ZFP1: variants seen among roughly 807,000 people sequenced by gnomAD.
The protein encoded by ZFP1 is ZFP1 zinc finger protein, also known as zinc finger protein 1 homolog.
ZFP1 carries 32 observed loss-of-function variants against 38.5 expected under a neutral mutation model. The observed-to-expected ratio is 0.83, with a 90% CI of 0.63 to 1.12. ZFP1 has a LOEUF of 1.12. Among genes scored for constraint, ZFP1 ranks in the 50% most tolerant of loss-of-function variants. The pLI is 0.00. For missense variants in ZFP1, 616 were observed against 480.8 expected (o/e 1.28, Z -2.63); for synonymous variants, 245 against 168.8 (o/e 1.45, Z -3.50).
At chr16:75,128,890 A>C in the ZFP1 span, among the ~76,000 whole-genome samples, 1 of 152,202 alleles carries the variant, frequency 6.6e-6, no homozygotes. Flanking sequence ...TCCGGGGTTC[A>C]AGCTATTCTC....
the ZFP1 span, among the ~76,000 whole-genome samples, chr16:75,123,986 C>T: frequency 4.0e-5 from 6 of 151,394 alleles, no homozygotes; most frequent in Admixed American, 2.0e-4. Context: ...CCCAACTACT[C>T]GGGAGGCAGA....
chr16:75,146,094 C>T (rs1597022568), upstream of ZFP1, among the ~76,000 whole-genome samples: 1 of 152,048 alleles, frequency 6.6e-6, no homozygotes, highest in African/African-American at 2.4e-5. Context: ...ACAAGTCCCG[C>T]GAAGGGGTCC....
chr16:75,143,139 A>C, the ZFP1 span, among the ~76,000 whole-genome samples: 5 of 152,262 alleles, frequency 3.3e-5, no homozygotes, highest in Non-Finnish European at 5.9e-5. Context: ...CAGTGTTTTC[A>C]ACAACTAAAT....
chr16:75,150,340 C>G (rs1003637551), intron 1 of ZFP1, among the ~76,000 whole-genome samples: 1 of 149,968 alleles, frequency 6.7e-6, no homozygotes, highest in African/African-American at 2.5e-5. Context: ...TCCAGAGTAG[C>G]TGGGACTACA....
chr16:75,157,459 G>A (rs1490101709), intron 2 of ZFP1, among the ~76,000 whole-genome samples: 2 of 151,956 alleles, frequency 1.3e-5, no homozygotes, highest in Non-Finnish European at 2.9e-5. Context: ...GGCCAGGCTG[G>A]TCTTGAACTC....
chr16:75,126,584 A>G, the ZFP1 span, among the ~76,000 whole-genome samples: 1 of 150,982 alleles, frequency 6.6e-6, no homozygotes, highest in African/African-American at 2.4e-5. Context: ...TTGTATTTTT[A>G]GTAGAGATGG....
At chr16:75,120,754 T>G in the ZFP1 span, among the ~76,000 whole-genome samples, 1 of 147,034 alleles carries the variant, frequency 6.8e-6, no homozygotes, top group South Asian at 2.3e-4. Context: ...AGCGCCACCA[T>G]GCCCAGCTTG....
intron 2 of ZFP1, among the ~76,000 whole-genome samples, chr16:75,162,484 C>G (rs943144535): frequency 6.6e-6 from 1 of 152,066 alleles, no homozygotes; most frequent in Non-Finnish European, 1.5e-5. Flanking sequence ...AACATTTTGA[C>G]GTTTCCATGT....
the ZFP1 span, among the ~76,000 whole-genome samples, chr16:75,133,173 C>T: frequency 3.3e-4 from 50 of 152,034 alleles, no homozygotes; most frequent in Middle Eastern, 6.8e-3. Flanking sequence ...GACAGGGTTT[C>T]GCCATGTTGG....
the ZFP1 span, among the ~76,000 whole-genome samples, chr16:75,127,224 G>T: frequency 6.6e-6 from 1 of 152,122 alleles, no homozygotes; most frequent in Non-Finnish European, 1.5e-5. Context: ...TTTATAATCA[G>T]CTGTAAAACT....
rs188276204 is a variant in ZFP1, at chr16:75,159,271, C to T, written c.15+6305C>T. On this transcript the variant is annotated intron_variant, in intron 2 of 3. Transcript: ENST00000570010. ...TCCCTTCCCTTCCTTTCCCTTCCTT[C>T]CCTCACTTCCCTTCCTTCCCTCCCT... Among the ~76,000 whole-genome samples the T allele has an allele frequency of 1.0e-3, 145 of 138,284 alleles. 1 individual carries two copies. The highest frequency in any genetic ancestry group is 2.0e-3 in the Non-Finnish European group (127 of 63,182). The allele number at this position is 138,284 out of a possible 152,430, so 90.7% of individuals were successfully genotyped here.
At chr16:75,130,631 C>G in the ZFP1 span, among the ~76,000 whole-genome samples, 3 of 152,094 alleles carry the variant, frequency 2.0e-5, no homozygotes, top group Non-Finnish European at 4.4e-5. Context: ...ACTGCCTTTC[C>G]CTGGAGCAGG....
At chr16:75,139,387 A>AAAAC in the ZFP1 span, among the ~76,000 whole-genome samples, 2 of 144,126 alleles carry the variant, frequency 1.4e-5, no homozygotes, top group African/African-American at 5.7e-5. Flanking sequence ...AAAAAAAAAA[A>AAAAC]AAAAAAAAAC....
At chr16:75,131,535 G>A in the ZFP1 span, among the ~76,000 whole-genome samples, 6 of 151,924 alleles carry the variant, frequency 3.9e-5, no homozygotes, top group East Asian at 1.9e-4. Context: ...CCATCAAATC[G>A]GGAGTGCACA....
At chr16:75,147,915 C>G (rs1373562729), upstream of ZFP1, among the ~76,000 whole-genome samples, 3 of 152,138 alleles carry the variant, frequency 2.0e-5, no homozygotes, top group African/African-American at 4.8e-5. Context: ...CTTAAGTGTT[C>G]TCATCAGACA....
chr16:75,133,819 C>T, the ZFP1 span, among the ~76,000 whole-genome samples: 2 of 152,148 alleles, frequency 1.3e-5, no homozygotes, highest in African/African-American at 2.4e-5. Flanking sequence ...GAGGCTGAGG[C>T]GGGTGGATCA....
At chr16:75,130,181 A>C in the ZFP1 span, among the ~76,000 whole-genome samples, 1 of 151,940 alleles carries the variant, frequency 6.6e-6, no homozygotes, top group Non-Finnish European at 1.5e-5. Context: ...TTGTATTTTT[A>C]GTAGAGATGG....
the ZFP1 span, among the ~76,000 whole-genome samples, chr16:75,121,159 TTTC>T: frequency 6.6e-6 from 1 of 151,864 alleles, no homozygotes; most frequent in Non-Finnish European, 1.5e-5. Context: ...CTATGATAAA[TTTC>T]TTTTTTGTTT....
the ZFP1 span, among the ~76,000 whole-genome samples, chr16:75,124,764 G>T: frequency 1.6e-5 from 2 of 126,114 alleles, no homozygotes; most frequent in Admixed American, 1.8e-4. Flanking sequence ...TCCAGCCTGG[G>T]CAACAGAGCA....
Sources: gnomAD v4.1 joint callset for allele counts (sites outside exome capture counted in the v4.1 genomes callset) on GRCh38, gnomAD v4.1.1 for gene constraint, MANE v1.5 for transcripts, NCBI Gene and HGNC (gene_info 2026-07-23, HGNC 2026-07-21) for gene names.